STAM: variants seen among roughly 807,000 people sequenced by gnomAD.
STAM encodes the protein signal transducing adaptor molecule, also known as signal transducing adapter molecule 1.
A neutral mutation model predicts 63.4 loss-of-function variants in STAM; 16 were observed. The observed-to-expected ratio is 0.25, with a 90% confidence interval of 0.17 to 0.38. The LOEUF is 0.38. Among genes scored for constraint, STAM ranks in the 10% least tolerant of loss-of-function variants. STAM has a pLI of 1.00. For synonymous variants in STAM, 238 were observed against 223.9 expected (o/e 1.06, Z -0.56); for missense variants, 636 against 657.1 (o/e 0.97, Z 0.35).
chr10:17,700,131 G>A (rs984475448), intron 8 of STAM, 60 bp from the exon 9 acceptor site: 17 of 1,368,756 alleles, frequency 1.2e-5, no homozygotes, highest in Non-Finnish European at 1.7e-5. Context: ...AAGTTAAAGT[G>A]CTTTAAAGTA....
At chr10:17,670,017 A>G (rs1448200709) in intron 2 of STAM, among the ~76,000 whole-genome samples, 1 of 150,342 alleles carries the variant, frequency 6.7e-6, no homozygotes, top group Non-Finnish European at 1.5e-5. Flanking sequence ...GGCGTGAGCC[A>G]CTGCGCCCAG....
At chr10:17,677,371 A>AT (rs1201895314) in intron 2 of STAM, among the ~76,000 whole-genome samples, 25 of 152,286 alleles carry the variant, frequency 1.6e-4, no homozygotes, top group African/African-American at 4.8e-4. Context: ...ATACAGGATT[A>AT]TTTTCTAAAA....
rs1484553836 is a variant in STAM, at chr10:17,702,902, G to A, written c.913-1529G>A. On this transcript the variant is annotated intron_variant, in intron 9 of 13. Coordinates refer to ENST00000377524, the MANE Select transcript of STAM (RefSeq NM_003473.4). Reference sequence around the variant, plus strand: ...GTGCGCTTGTAATCCTAGCTACTTGGGAGGCTGAGGCAGGAGAATCGCTTG... The same window carrying A: ...GTGCGCTTGTAATCCTAGCTACTTGAGAGGCTGAGGCAGGAGAATCGCTTG... 2.6e-5 allele frequency among the ~76,000 whole-genome samples: 4 copies of A among 151,744 alleles called. No individual in the cohort carries two copies. The East Asian group carries it at 5.8e-4, about 22-fold the overall frequency.
chr10:17,686,261 G>A (rs1835289344), intron 4 of STAM, among the ~76,000 whole-genome samples: 2 of 152,044 alleles, frequency 1.3e-5, no homozygotes, highest in African/African-American at 4.8e-5. Context: ...ACTTACCTAT[G>A]TATAATAGTG....
At chr10:17,706,625 C>A (rs550061934) in intron 12 of STAM, among the ~76,000 whole-genome samples, 1 of 151,934 alleles carries the variant, frequency 6.6e-6, no homozygotes, top group Non-Finnish European at 1.5e-5. Flanking sequence ...GTGATCCACC[C>A]GCCTCGGCCT....
At chr10:17,683,769 C>G (rs1372505696) in intron 2 of STAM, among the ~76,000 whole-genome samples, 1 of 152,170 alleles carries the variant, frequency 6.6e-6, no homozygotes, top group East Asian at 1.9e-4. Context: ...TTTCTGCATT[C>G]TCAGTTGACT....
At chr10:17,654,549 G>A (rs1408327140) in intron 1 of STAM, among the ~76,000 whole-genome samples, 2 of 152,070 alleles carry the variant, frequency 1.3e-5, no homozygotes, top group South Asian at 2.1e-4. Context: ...AGGTCAATGT[G>A]TTACTATGAC....
At chr10:17,666,593 T>G (rs781944462) in intron 2 of STAM, among the ~76,000 whole-genome samples, 3 of 151,970 alleles carry the variant, frequency 2.0e-5, no homozygotes, top group Non-Finnish European at 2.9e-5. Flanking sequence ...GAGACGGGGT[T>G]TCACCGTGTT....
At chr10:17,701,218 A>G (rs189062402) in intron 9 of STAM, among the ~76,000 whole-genome samples, 50 of 152,318 alleles carry the variant, frequency 3.3e-4, no homozygotes, top group African/African-American at 1.2e-3. Context: ...GTTACTGCAT[A>G]TAAAGAAAAG....
At chr10:17,687,907 A>G (rs1835360520) in intron 4 of STAM, 120 bp from the exon 5 acceptor site, 1 of 752,060 alleles carries the variant, frequency 1.3e-6, no homozygotes, top group East Asian at 3.0e-5. Flanking sequence ...TTTCTTGTCT[A>G]TAGCTATGCA....
At chr10:17,676,007 A>C (rs540600764) in intron 2 of STAM, among the ~76,000 whole-genome samples, 3 of 152,224 alleles carry the variant, frequency 2.0e-5, no homozygotes, top group Non-Finnish European at 4.4e-5. Flanking sequence ...CCATTAGATC[A>C]GAGAAGTGAC....
chr10:17,675,503 C>CAAAA (rs199745685), intron 2 of STAM, among the ~76,000 whole-genome samples: 46 of 110,806 alleles, frequency 4.2e-4, no homozygotes, highest in Middle Eastern at 5.0e-3. Context: ...GACTCTGTCT[C>CAAAA]AAAAAAAAAA....
At chr10:17,680,471 G>A (rs1554825204) in intron 2 of STAM, among the ~76,000 whole-genome samples, 1 of 149,974 alleles carries the variant, frequency 6.7e-6, no homozygotes, top group Non-Finnish European at 1.5e-5. Flanking sequence ...CACCCAGGCT[G>A]GAGTTCAGTG....
intron 1 of STAM, among the ~76,000 whole-genome samples, chr10:17,648,865 C>G (rs1390829420): frequency 3.9e-5 from 6 of 152,134 alleles, no homozygotes; most frequent in Admixed American, 1.3e-4. Context: ...TTTATTGTGG[C>G]TCACAATATG....
chr10:17,681,653 G>C (rs1835091171), intron 2 of STAM, among the ~76,000 whole-genome samples: 1 of 152,106 alleles, frequency 6.6e-6, no homozygotes, highest in Non-Finnish European at 1.5e-5. Context: ...CTATCCTTTT[G>C]ACTTATATAA....
chr10:17,707,712 G>C (rs1035149722), intron 12 of STAM, among the ~76,000 whole-genome samples: 1 of 152,158 alleles, frequency 6.6e-6, no homozygotes, highest in African/African-American at 2.4e-5. Flanking sequence ...TTGGATCCCT[G>C]TGTGGGTCTG....
Position 17,706,369 on chromosome 10 carries a change from C to CCTTT in STAM, c.1209+628_1209+629insCTTT, listed in dbSNP as rs1564570967. Among the ~76,000 whole-genome samples the CCTTT allele has an allele frequency of 5.7e-5, 4 of 70,202 alleles. No individual in the cohort carries two copies. In the Admixed American group the frequency reaches 8.4e-4, roughly 15 times the overall value. 46.1% of individuals were successfully genotyped at this position (70,202 alleles called of 152,430 possible). A position where few individuals can be genotyped will look rare whatever the true frequency, so the allele number is the denominator to read the frequency against. The stretch of plus-strand genomic sequence containing the variant: ...AATCAGAATCCTCAGGGTTGAGGCC[C>CCTTT]TTTTTTTTTTTTTTTTTTTTTTTTT... On this transcript the variant is annotated intron_variant, in intron 12 of 13. Transcript: ENST00000377524.
intron 2 of STAM, among the ~76,000 whole-genome samples, chr10:17,662,864 G>A (rs1198097785): frequency 6.6e-6 from 1 of 152,186 alleles, no homozygotes; most frequent in African/African-American, 2.4e-5. Flanking sequence ...GTCATATTTT[G>A]TGACAGTTTC....
chr10:17,693,137 G>C (rs1347760057), intron 5 of STAM, 85 bp from the exon 6 acceptor site: 1 of 1,175,016 alleles, frequency 8.5e-7, no homozygotes, highest in African/African-American at 1.5e-5. Context: ...AGATTGATGA[G>C]AAAGGTTTTG....
Sources: gnomAD v4.1 joint callset for allele counts (sites outside exome capture counted in the v4.1 genomes callset) on GRCh38, gnomAD v4.1.1 for gene constraint, MANE v1.5 for transcripts, NCBI Gene and HGNC (gene_info 2026-07-23, HGNC 2026-07-21) for gene names.